The following SAMD3 variants were observed in gnomAD, a reference collection of about 807,000 sequenced individuals.
The protein encoded by SAMD3 is sterile alpha motif domain-containing protein 3.
Under a neutral mutation model 58.5 loss-of-function variants are expected in SAMD3, and 63 were observed. That is an observed-to-expected ratio of 1.08 (90% CI 0.88 to 1.33). SAMD3 has a LOEUF of 1.33. Ranked by LOEUF, SAMD3 falls within the 40% of genes most tolerant of loss-of-function variation. SAMD3 has a pLI of 0.00. For missense variants in SAMD3, 604 were observed against 608.4 expected (o/e 0.99, Z 0.08); for synonymous variants, 220 against 210.3 (o/e 1.05, Z -0.40).
intron 2 of SAMD3, among the ~76,000 whole-genome samples, chr6:130,295,191 G>A (rs1775527915): frequency 1.3e-5 from 2 of 152,060 alleles, no homozygotes; most frequent in Admixed American, 1.3e-4. Context: ...CCAAAGTGCT[G>A]GGATTATAGG....
intron 2 of SAMD3, among the ~76,000 whole-genome samples, chr6:130,234,910 C>A (rs187229906): frequency 6.6e-6 from 1 of 152,142 alleles, no homozygotes; most frequent in Non-Finnish European, 1.5e-5. Flanking sequence ...CCCAGGAGTT[C>A]GAGAACAGTC....
At chr6:130,163,398 A>G (rs992963014) in intron 8 of SAMD3, among the ~76,000 whole-genome samples, 4 of 152,094 alleles carry the variant, frequency 2.6e-5, no homozygotes, top group South Asian at 2.1e-4. Context: ...TTCCAATTCT[A>G]TTGTCGTCAA....
At chr6:130,213,405 AT>A (rs1252991206) in intron 4 of SAMD3, among the ~76,000 whole-genome samples, 2 of 152,028 alleles carry the variant, frequency 1.3e-5, no homozygotes. Context: ...CATGTCCCAA[AT>A]ATTCAAATAT....
At chr6:130,256,886 T>C (rs935406442) in intron 2 of SAMD3, among the ~76,000 whole-genome samples, 1 of 152,240 alleles carries the variant, frequency 6.6e-6, no homozygotes, top group African/African-American at 2.4e-5. Flanking sequence ...ATAAGGGTTA[T>C]TTTACAAGTA....
chr6:130,146,516 C>A lies in SAMD3; in HGVS notation c.1024-335G>T, dbSNP rs368208090. Among the ~76,000 whole-genome samples the A allele has an allele frequency of 1.5e-4, 23 of 152,310 alleles. No homozygotes were observed. In the South Asian group the frequency reaches 4.3e-3, roughly 29 times the overall value. On this transcript the variant is annotated intron_variant, in intron 9 of 11. Transcript: ENST00000439090. ...ACCCAGCTAAGGTTCTAAGATCTTA[C>A]ATTTCTTTAGGTGACTACATTGTTA...
chr6:130,214,831 A>G (rs1356585108), intron 3 of SAMD3, among the ~76,000 whole-genome samples: 1 of 152,218 alleles, frequency 6.6e-6, no homozygotes, highest in Non-Finnish European at 1.5e-5. Flanking sequence ...AACTTAGGAA[A>G]TTATTCTTCG....
intron 5 of SAMD3, among the ~76,000 whole-genome samples, chr6:130,187,881 C>G (rs1793152293): frequency 6.6e-6 from 1 of 152,186 alleles, no homozygotes. Context: ...TATCTCAATC[C>G]TGGGTGCACA....
chr6:130,318,136 C>T (rs968040303), intron 1 of SAMD3, among the ~76,000 whole-genome samples: 21 of 152,302 alleles, frequency 1.4e-4, no homozygotes, highest in Admixed American at 1.2e-3. Flanking sequence ...CATGGAGCCG[C>T]AACTGGAACT....
chr6:130,249,729 T>G (rs573392717), intron 2 of SAMD3, among the ~76,000 whole-genome samples: 1 of 152,202 alleles, frequency 6.6e-6, no homozygotes, highest in Admixed American at 6.5e-5. Flanking sequence ...ACACAAAGAA[T>G]GGTAGGTTTG....
intron 9 of SAMD3, among the ~76,000 whole-genome samples, chr6:130,147,733 A>T (rs1788763071): frequency 6.6e-6 from 1 of 152,210 alleles, no homozygotes; most frequent in African/African-American, 2.4e-5. Flanking sequence ...TCATATTCTT[A>T]ACAGGCCCAG....
chr6:130,223,849 T>C (rs1323017329), upstream of SAMD3, among the ~76,000 whole-genome samples: 1 of 152,188 alleles, frequency 6.6e-6, no homozygotes, highest in Admixed American at 6.5e-5. Flanking sequence ...TACAGTGCAG[T>C]CTTTCAGCTT....
At chr6:130,325,371 G>A (rs992305815) in intron 1 of SAMD3, among the ~76,000 whole-genome samples, 3 of 152,148 alleles carry the variant, frequency 2.0e-5, no homozygotes, top group African/African-American at 7.2e-5. Context: ...GGAGAACCTG[G>A]AGGTCTGATG....
intron 5 of SAMD3, among the ~76,000 whole-genome samples, chr6:130,202,538 T>C (rs865890291): frequency 4.6e-5 from 7 of 152,344 alleles, no homozygotes; most frequent in Middle Eastern, 6.8e-3. Context: ...ATTGAATGAA[T>C]GGATGAATCC....
At chr6:130,351,422 G>A (rs1777659585) in intron 1 of SAMD3, among the ~76,000 whole-genome samples, 1 of 152,158 alleles carries the variant, frequency 6.6e-6, no homozygotes, top group Admixed American at 6.5e-5. Context: ...CAAAGGATAT[G>A]AACAGACACT....
chr6:130,168,429 A>T (rs1790920085), intron 8 of SAMD3, among the ~76,000 whole-genome samples: 3 of 151,898 alleles, frequency 2.0e-5, no homozygotes, highest in Non-Finnish European at 4.4e-5. Flanking sequence ...GTGAAACACC[A>T]CCCAAAAAAA....
intron 2 of SAMD3, among the ~76,000 whole-genome samples, chr6:130,282,338 A>G (rs1443306852): frequency 3.3e-5 from 5 of 151,382 alleles, no homozygotes; most frequent in Non-Finnish European, 7.4e-5. Flanking sequence ...TCTACTACCA[A>G]CACCTATGAA....
intron 2 of SAMD3, among the ~76,000 whole-genome samples, chr6:130,278,061 G>A (rs904944294): frequency 2.0e-5 from 3 of 152,136 alleles, no homozygotes; most frequent in African/African-American, 7.2e-5. Context: ...AATTGCTGCT[G>A]GGTATAACAT....
chr6:130,359,935 G>A (rs769574122), intron 1 of SAMD3, among the ~76,000 whole-genome samples: 2 of 152,150 alleles, frequency 1.3e-5, no homozygotes, highest in African/African-American at 2.4e-5. Context: ...AATAAGTACT[G>A]AACTAGGAAT....
At chr6:130,172,752 G>C (rs1395447305) in intron 8 of SAMD3, among the ~76,000 whole-genome samples, 1 of 152,260 alleles carries the variant, frequency 6.6e-6, no homozygotes, top group Admixed American at 6.5e-5. Context: ...ATGTTGGCCT[G>C]TCTTGCTAGG....
Sources: gnomAD v4.1 joint callset for allele counts (sites outside exome capture counted in the v4.1 genomes callset) on GRCh38, gnomAD v4.1.1 for gene constraint, MANE v1.5 for transcripts, NCBI Gene and HGNC (gene_info 2026-07-23, HGNC 2026-07-21) for gene names.